The following AHNAK2 variants were observed in gnomAD, a reference collection of about 807,000 sequenced individuals.
AHNAK2 encodes the protein protein AHNAK2.
Under a neutral mutation model 30.7 loss-of-function variants are expected in AHNAK2, and 18 were observed. The ratio of observed to expected loss-of-function variants is 0.59; its 90% CI spans 0.41 to 0.87. AHNAK2 has a LOEUF of 0.87. AHNAK2 is among the 40% of genes least tolerant of loss of function. AHNAK2 has a pLI of 0.00. For missense variants in AHNAK2, 8,604 were observed against 7,373.0 expected, an observed-to-expected ratio of 1.17 and a Z score of -6.11; for synonymous variants, 3,590 against 3,073.8, an observed-to-expected ratio of 1.17 and a Z score of -5.56.
intron 1 of AHNAK2, 61 bp downstream of exon 1, chr14:104,978,122 G>A (rs913537857): frequency 8.4e-7 from 1 of 1,189,448 alleles, no homozygotes; most frequent in Non-Finnish European, 1.0e-6. Flanking sequence ...GCCCCGGCGC[G>A]CGCCCTCGCG....
In AHNAK2 at chr14:104,944,901, T is replaced by C; in HGVS notation, c.10550A>G (p.Lys3517Arg). ...GGGCTGAATGCTGAGGTCAGTGGCC[T>C]TGAGGTCCCCCTGCATGGAGGAGAG... ...VSLSSMQGDLKATDLSIQPPS... is the reference protein window; with the variant it reads ...VSLSSMQGDLRATDLSIQPPS... Residue 3517 changes from lysine (K) to arginine (R), a missense_variant, in exon 7 of 7, where the codon AAG (lysine) becomes AGG (arginine). Coordinates refer to ENST00000333244, the MANE Select transcript of AHNAK2 (RefSeq NM_138420.4). 6.2e-7 allele frequency: 1 copy of C among 1,613,042 alleles called. No individual in the cohort carries two copies. Among genetic ancestry groups the C allele is most frequent in the South Asian group, 1.1e-5 (1 of 91,038 alleles).
intron 3 of AHNAK2, 123 bp downstream of exon 3, chr14:104,957,287 T>G: frequency 1.1e-6 from 1 of 878,414 alleles, no homozygotes. Flanking sequence ...GACATCTGAG[T>G]GGGCACTGCC....
At position 104,946,175 on chromosome 14, in the gene AHNAK2, GCCTTTC is replaced by G; in HGVS notation, c.9270_9275del (p.Lys3091_Gly3092del). ...CGGGGGCCGTCACGTCCGTCTTCGG[GCCTTTC>G]AGGTCCAGCTTGGGGCCCTTGACAT... On this transcript the variant is annotated inframe_deletion, in exon 7 of 7. Coordinates refer to ENST00000333244, the MANE Select transcript of AHNAK2 (RefSeq NM_138420.4). 6.2e-7 allele frequency: 1 copy of G among 1,611,284 alleles called. No homozygotes were observed.
chr14:104,941,003 A>G lies in AHNAK2; in HGVS notation c.14448T>C (p.Ser4816=), dbSNP rs1486472745. 12 of 1,613,448 alleles carry G rather than the reference A, an allele frequency of 7.4e-6. No homozygotes were observed. Among genetic ancestry groups the G allele is most frequent in the Non-Finnish European group, 1.0e-5 (12 of 1,179,898 alleles). ...PELALEIPSG[S]QADIPLPKTE... ...TCTTGGGAAGAGGAATATCAGCCTG[A>G]GACCCAGAAGGAATTTCCAGAGCAA... Residue 4816 remains serine, a synonymous_variant, in exon 7 of 7, where the codon TCT becomes TCC. Transcript: ENST00000333244.
rs763242731 is a variant in AHNAK2, at chr14:104,952,458, A to G, written c.2993T>C (p.Phe998Ser). Residue 998 changes from phenylalanine to serine, a missense_variant, in exon 7 of 7, where the codon TTC becomes TCC. Transcript: ENST00000333244. ...CGGCATCTTGAACTTGGGCATTTTG[A>G]ACTTGCTGTCTTTGGCAGTCACGTC... ...DKDVTAKDSK[F>S]KMPKFKMPSF... 1 of 1,612,224 alleles carries G rather than the reference A, an allele frequency of 6.2e-7. No individual in the cohort carries two copies. Among genetic ancestry groups the G allele is most frequent in the South Asian group, 1.1e-5 (1 of 91,012 alleles).
At chr14:104,962,584 CCTCA>C (rs765386041) in intron 1 of AHNAK2, among the ~76,000 whole-genome samples, 6 of 152,054 alleles carry the variant, frequency 3.9e-5, no homozygotes, top group Admixed American at 1.3e-4. Flanking sequence ...CGCCATCATG[CCTCA>C]CTAATTTTTT....
chr14:104,945,016 T>G lies in AHNAK2; in HGVS notation c.10435A>C (p.Lys3479Gln). The change falls in exon 7 of 7, where the codon AAG becomes CAG. Residue 3479 changes from lysine to glutamine, a missense_variant. Transcript: ENST00000333244. ...KDSKFKMPKF[K>Q]MPSFGVSAPG... ...GCCGACACCCCGAAGGAGGGCATCT[T>G]GAACTTGGGCATTTTGAACTTGCTG... is the stretch of plus-strand genomic sequence containing the variant. 1 of 1,603,076 alleles carries G rather than the reference T, an allele frequency of 6.2e-7. No homozygotes were observed. The highest frequency in any genetic ancestry group is 1.7e-5 in the Admixed American group (1 of 59,850).
At position 104,949,524 on chromosome 14, in the gene AHNAK2, A is replaced by G. The variant is rs1297990200; in HGVS notation, c.5927T>C (p.Leu1976Pro). ...DGARLEGDLSLADKDMTAKDS... is the reference protein window; with the variant it reads ...DGARLEGDLSPADKDMTAKDS... ...TTTGGCAGTCATGTCCTTGTCGGCC[A>G]GGGACAGGTCTCCCTCCAGCCGCGC... Residue 1976 changes from leucine to proline, a missense_variant, in exon 7 of 7, where the codon CTG (leucine) becomes CCG (proline). Coordinates refer to ENST00000333244, the MANE Select transcript of AHNAK2 (RefSeq NM_138420.4). 1.3e-6 allele frequency: 2 copies of G among 1,587,956 alleles called. No individual in the cohort carries two copies.
chr14:104,976,576 C>T (rs1899598003), intron 1 of AHNAK2, among the ~76,000 whole-genome samples: 1 of 152,208 alleles, frequency 6.6e-6, no homozygotes, highest in Non-Finnish European at 1.5e-5. Context: ...GGTCTCTGAT[C>T]TTGCAAGTCT....
intron 1 of AHNAK2, among the ~76,000 whole-genome samples, chr14:104,964,947 A>T (rs1015186305): frequency 2.0e-5 from 3 of 152,262 alleles, no homozygotes; most frequent in African/African-American, 7.2e-5. Flanking sequence ...AAAACCCACA[A>T]GAAGAACCAA....
In AHNAK2 at chr14:104,945,004, A is replaced by G. The variant is rs1898182208; in HGVS notation, c.10447T>C (p.Phe3483Leu). The part of the protein sequence containing the change: ...FKMPKFKMPS[F>L]GVSAPGRSIE... ...GACCTGCCTGGGGCCGACACCCCGA[A>G]GGAGGGCATCTTGAACTTGGGCATT... is the stretch of plus-strand genomic sequence containing the variant. Residue 3483 changes from phenylalanine (F) to leucine (L), a missense_variant, in exon 7 of 7, where the codon TTC becomes CTC. By Grantham distance (22) the Phe-to-Leu change is conservative (BLOSUM62 0). Transcript: ENST00000333244. 6.2e-7 allele frequency: 1 copy of G among 1,612,162 alleles called. No individual in the cohort carries two copies. The highest frequency in any genetic ancestry group is 1.3e-5 in the African/African-American group (1 of 74,190).
In AHNAK2 at chr14:104,948,103, C is replaced by G. The variant is rs763686076; in HGVS notation, c.7348G>C (p.Glu2450Gln). Residue 2450 changes from glutamate to glutamine, a missense_variant, in exon 7 of 7, where the codon GAG becomes CAG. By Grantham distance (29) the Glu-to-Gln change is conservative. Coordinates refer to ENST00000333244, the MANE Select transcript of AHNAK2 (RefSeq NM_138420.4). The stretch of plus-strand genomic sequence containing the variant: ...GCTCCCGGGGCCTCGACATCCACCT[C>G]CACGCTGGGCTGAGACACCTCCACG... ...PDVEVSQPSV[E>Q]VDVEAPGAKL... is the part of the protein sequence containing the mutation. The G allele has an allele frequency of 6.2e-7, 1 of 1,612,884 alleles. No homozygotes were observed. The highest frequency in any genetic ancestry group is 1.1e-5 in the South Asian group (1 of 91,050).
At position 104,941,944 on chromosome 14, in the gene AHNAK2, G is replaced by C. The variant is rs576665160; in HGVS notation, c.13507C>G (p.Gln4503Glu). The C allele has an allele frequency of 1.9e-6, 3 of 1,613,636 alleles. No individual in the cohort carries two copies. Among genetic ancestry groups the C allele is most frequent in the Non-Finnish European group, 1.7e-6 (2 of 1,179,722 alleles). ...AGGTCAGTGGTCTTGAGGTCCCCCT[G>C]CATGGAGGGAATGCTCATGTCGGCC... ...MEADMSIPSM[Q>E]GDLKTTDLRI... is the part of the protein sequence containing the mutation. The change falls in exon 7 of 7, where the codon CAG becomes GAG. Residue 4503 changes from glutamine to glutamate, a missense_variant. Gln to Glu is a conservative substitution (Grantham distance 29). Coordinates refer to ENST00000333244, the MANE Select transcript of AHNAK2 (RefSeq NM_138420.4).
Position 104,938,304 on chromosome 14 carries a change from T to C in AHNAK2, c.17147A>G (p.Glu5716Gly). 6.2e-7 allele frequency: 1 copy of C among 1,613,974 alleles called. No individual in the cohort carries two copies. Among genetic ancestry groups the C allele is most frequent in the Non-Finnish European group, 8.5e-7 (1 of 1,179,896 alleles). The change falls in exon 7 of 7, where the codon GAA (glutamate) becomes GGA (glycine). Residue 5716 changes from glutamate (E) to glycine (G), a missense_variant. By Grantham distance (98) the Glu-to-Gly change is moderately conservative. Transcript: ENST00000333244. ...SSPTKKSKST[E>G]DGAELEEQKL... Reference sequence around the variant, plus strand: ...TTGTTCTTCCAGCTCTGCCCCATCTTCGGTGCTTTTGCTTTTCTTGGTAGG... The same window carrying C: ...TTGTTCTTCCAGCTCTGCCCCATCTCCGGTGCTTTTGCTTTTCTTGGTAGG...
rs1170773927 is a variant in AHNAK2, at chr14:104,944,606, C to T, written c.10845G>A (p.Leu3615=). The T allele has an allele frequency of 1.9e-6, 3 of 1,613,070 alleles. No individual in the cohort carries two copies. The highest frequency in any genetic ancestry group is 2.7e-5 in the African/African-American group (2 of 74,720). ...EVDVQAPKAK[L]DAGRLEGDLS... The stretch of plus-strand genomic sequence containing the variant: ...GGTCTCCCTCCAGCCGCCCAGCATC[C>T]AGCTTGGCCTTCGGGGCCTGGACAT... Residue 3615 remains leucine, a synonymous_variant, in exon 7 of 7, where the codon CTG becomes CTA. Coordinates refer to ENST00000333244, the MANE Select transcript of AHNAK2 (RefSeq NM_138420.4).
At chr14:104,971,775 C>T (rs200988572) in intron 1 of AHNAK2, among the ~76,000 whole-genome samples, 17 of 152,372 alleles carry the variant, frequency 1.1e-4, no homozygotes, top group South Asian at 4.1e-4. Flanking sequence ...AGCTGTGCTA[C>T]GTGTAGCCCC....
chr14:104,938,206 C>T lies in AHNAK2; in HGVS notation c.17245G>A (p.Glu5749Lys), dbSNP rs1194174992. The change falls in exon 7 of 7, where the codon GAA becomes AAA. Residue 5749 changes from glutamate to lysine, a missense_variant. Transcript: ENST00000333244. ...SFSPEEKEEG[E>K]LIGPVGTGLD... ...CCAGTGCCCACAGGCCCGATCAGTT[C>T]ACCCTCTTCCTTCTCTTCAGGGGAG... The T allele has an allele frequency of 7.4e-6, 12 of 1,613,944 alleles. No homozygotes were observed. Among genetic ancestry groups the T allele is most frequent in the East Asian group, 2.2e-5 (1 of 44,872 alleles).
chr14:104,955,636 G>A lies in AHNAK2; in HGVS notation c.316-3C>T. The stretch of plus-strand genomic sequence containing the variant: ...ACCTCTGTTGCCTCCTGGACAGCCT[G>A]GAGCAGAAGCACATCAGGGCCATGG... On this transcript the variant is annotated splice_region_variant and splice_polypyrimidine_tract_variant and intron_variant, in intron 4 of 6. Transcript: ENST00000333244. 5 of 1,612,732 alleles carry A rather than the reference G, an allele frequency of 3.1e-6. No individual in the cohort carries two copies. Among genetic ancestry groups the A allele is most frequent in the Non-Finnish European group, 3.4e-6 (4 of 1,179,386 alleles).
rs371480196 is a variant in AHNAK2 at position 104,943,028 on chromosome 14, T to A, written c.12423A>T (p.Pro4141=). The change falls in exon 7 of 7, where the codon CCA becomes CCT. Residue 4141 remains proline (P), a synonymous_variant. Transcript: ENST00000333244. The stretch of plus-strand genomic sequence containing the variant: ...TGCCTGGGGCCGACACCCCGAATGA[T>A]GGCATCTTGAACTTGGGCATTTTGA... ...SKFKMPKFKM[P]SFGVSAPGKS... 1 of 1,604,802 alleles carries A rather than the reference T, an allele frequency of 6.2e-7. No homozygotes were observed. The highest frequency in any genetic ancestry group is 8.5e-7 in the Non-Finnish European group (1 of 1,175,826).
Sources: allele counts gnomAD v4.1 joint callset (sites outside exome capture counted in the v4.1 genomes callset), GRCh38; gene constraint gnomAD v4.1.1; transcripts MANE v1.5; gene names NCBI Gene and HGNC (gene_info 2026-07-23, HGNC 2026-07-21).